The following STAB2 variants were observed in gnomAD, a reference collection of about 807,000 sequenced individuals.
STAB2 encodes stabilin 2.
STAB2 carries 288 observed loss-of-function variants against 338.1 expected under a neutral mutation model. That is an observed-to-expected ratio of 0.85 (90% CI 0.77 to 0.94). The LOEUF is 0.94. STAB2 is among the 40% of genes least tolerant of loss of function. The pLI is 0.00. For missense variants in STAB2, 3,141 were observed against 3,210.1 expected (o/e 0.98, Z 0.52); for synonymous variants, 1,202 against 1,193.3 (o/e 1.01, Z -0.15).
At chr12:103,702,493 G>A (rs1224015344) in intron 34 of STAB2, among the ~76,000 whole-genome samples, 9 of 151,896 alleles carry the variant, frequency 5.9e-5, no homozygotes, top group Admixed American at 5.9e-4. Context: ...TAGAGACGGG[G>A]TTTCACCTTG....
Position 103,725,048 on chromosome 12 carries a change from C to CAAACTACATT in STAB2, c.4758_4767dup (p.Gly1590LysfsTer55). 6.2e-7 allele frequency: 1 copy of CAAACTACATT among 1,613,884 alleles called. No individual in the cohort carries two copies. Among genetic ancestry groups the CAAACTACATT allele is most frequent in the Non-Finnish European group, 8.5e-7 (1 of 1,179,784 alleles). Reference sequence around the variant, plus strand: ...GTAGAAAGGACTTGTACTTGCAAGCCAAACTACATTGGAGATGGATTTACC... The same window carrying CAAACTACATT: ...GTAGAAAGGACTTGTACTTGCAAGCCAAACTACATTAAACTACATTGGAGATGGATTTACC... On this transcript the variant is annotated frameshift_variant, in exon 45 of 69. Transcript: ENST00000388887. LOFTEE classifies it high-confidence loss of function.
chr12:103,674,190 C>A, intron 23 of STAB2, 103 bp downstream of exon 23: 1 of 1,275,882 alleles, frequency 7.8e-7, no homozygotes, highest in Admixed American at 2.2e-5. Context: ...CAACCCATAT[C>A]TGAACTCTGA....
chr12:103,741,753 C>T (rs1489468682), intron 55 of STAB2, among the ~76,000 whole-genome samples: 2 of 152,224 alleles, frequency 1.3e-5, no homozygotes, highest in African/African-American at 4.8e-5. Context: ...CCGTGCCTGG[C>T]CTGTTGACCC....
At chr12:103,685,163 C>T (rs1283841268) in intron 27 of STAB2, 79 bp downstream of exon 27, 4 of 1,291,432 alleles carry the variant, frequency 3.1e-6, no homozygotes, top group Non-Finnish European at 4.4e-6. Context: ...TTAAAGTGAT[C>T]TATTGACATA....
intron 41 of STAB2, among the ~76,000 whole-genome samples, chr12:103,713,346 C>A (rs1250511794): frequency 1.3e-5 from 2 of 152,176 alleles, no homozygotes; most frequent in East Asian, 3.9e-4. Flanking sequence ...AATGATCATG[C>A]CAATCTGCTT....
intron 10 of STAB2, among the ~76,000 whole-genome samples, chr12:103,650,211 AG>A (rs1337236502): frequency 6.6e-6 from 1 of 151,478 alleles, no homozygotes; most frequent in African/African-American, 2.4e-5. Flanking sequence ...GGGTTGTGGT[AG>A]GATTTTGTCA....
chr12:103,716,814 G>GA (rs1176398254), intron 43 of STAB2, among the ~76,000 whole-genome samples: 2 of 152,164 alleles, frequency 1.3e-5, no homozygotes, highest in Non-Finnish European at 2.9e-5. Context: ...TGGTGCTTGG[G>GA]ACCTCCAAGG....
intron 3 of STAB2, among the ~76,000 whole-genome samples, chr12:103,618,111 CAAG>C (rs1428206201): frequency 6.6e-6 from 1 of 152,178 alleles, no homozygotes; most frequent in Admixed American, 6.5e-5. Flanking sequence ...TCTCTTTCTT[CAAG>C]AACTGCTGCT....
intron 3 of STAB2, among the ~76,000 whole-genome samples, chr12:103,615,417 G>A (rs1455788404): frequency 6.6e-6 from 1 of 152,156 alleles, no homozygotes; most frequent in Admixed American, 6.5e-5. Flanking sequence ...AAAGCTGATG[G>A]GGAGTCCTCT....
At chr12:103,607,435 G>A (rs761394028) in intron 3 of STAB2, among the ~76,000 whole-genome samples, 10 of 148,940 alleles carry the variant, frequency 6.7e-5, no homozygotes, top group African/African-American at 2.2e-4. Flanking sequence ...TGTGCGCAAC[G>A]TGCAGGTTTG....
chr12:103,660,446 G>C (rs1874512303), intron 16 of STAB2, 62 bp downstream of exon 16: 2 of 1,576,318 alleles, frequency 1.3e-6, no homozygotes, highest in African/African-American at 2.7e-5. Flanking sequence ...ACTTAGTCTT[G>C]AATTCCAATA....
chr12:103,593,284 C>G (rs1038350267), intron 2 of STAB2, among the ~76,000 whole-genome samples: 1 of 152,198 alleles, frequency 6.6e-6, no homozygotes, highest in Non-Finnish European at 1.5e-5. Context: ...TTCTCACCAA[C>G]AGTGTACAGT....
chr12:103,681,110 A>G (rs989827056), intron 25 of STAB2, among the ~76,000 whole-genome samples: 9 of 152,104 alleles, frequency 5.9e-5, no homozygotes, highest in African/African-American at 2.2e-4. Context: ...CTGCTTTCCT[A>G]TTTATCTTTT....
intron 51 of STAB2, among the ~76,000 whole-genome samples, chr12:103,734,589 C>CCAGG (rs1368644401): frequency 6.6e-6 from 1 of 152,186 alleles, no homozygotes; most frequent in Non-Finnish European, 1.5e-5. Flanking sequence ...GAGTCCTCAT[C>CCAGG]CAGGACTCAT....
intron 3 of STAB2, among the ~76,000 whole-genome samples, chr12:103,596,197 A>G (rs1956873702): frequency 6.6e-6 from 1 of 152,226 alleles, no homozygotes; most frequent in African/African-American, 2.4e-5. Flanking sequence ...TCTAGTTCTC[A>G]TAGACATTTT....
chr12:103,694,987 A>T (rs1878274456), intron 31 of STAB2, among the ~76,000 whole-genome samples: 1 of 151,836 alleles, frequency 6.6e-6, no homozygotes. Flanking sequence ...GCAGAAATTC[A>T]GACTGATTTT....
chr12:103,741,185 A>G lies in STAB2; in HGVS notation c.5881+429A>G, dbSNP rs144559182. On this transcript the variant is annotated intron_variant, in intron 55 of 68. Coordinates refer to ENST00000388887, the MANE Select transcript of STAB2 (RefSeq NM_017564.10). Reference sequence around the variant, plus strand: ...AGCGCACCCCTGTCCCTGGTAGAGGATGTATAGCATTGGCTCCCTCTGTTA... The same window carrying G: ...AGCGCACCCCTGTCCCTGGTAGAGGGTGTATAGCATTGGCTCCCTCTGTTA... Among the ~76,000 whole-genome samples, 31 of 152,224 alleles carry G rather than the reference A, an allele frequency of 2.0e-4. No homozygotes were observed. In the East Asian group the frequency reaches 5.4e-3, roughly 27 times the overall value.
At chr12:103,763,251 A>C in intron 67 of STAB2, 1 of 496,098 alleles carries the variant, frequency 2.0e-6, no homozygotes, top group Non-Finnish European at 3.6e-6. Context: ...ATCCTGGGGT[A>C]TGGAAATGCC....
At position 103,740,309 on chromosome 12, in the gene STAB2, T is replaced by C. The variant is rs77169714; in HGVS notation, c.5755-321T>C. ...GGAGCCTTGCCCCACACCCCTTCCA[T>C]GACAGCAAGCTACCTCCTTCCCACT... is the stretch of plus-strand genomic sequence containing the variant. On this transcript the variant is annotated intron_variant, in intron 54 of 68. Transcript: ENST00000388887. Among the ~76,000 whole-genome samples, 440 of 152,256 alleles carry C rather than the reference T, an allele frequency of 2.9e-3. 1 individual carries two copies. The highest frequency in any genetic ancestry group is 0.014 in the Middle Eastern group (4 of 294).
Sources: allele counts gnomAD v4.1 joint callset (sites outside exome capture counted in the v4.1 genomes callset), GRCh38; gene constraint gnomAD v4.1.1; transcripts MANE v1.5; gene names NCBI Gene and HGNC (gene_info 2026-07-23, HGNC 2026-07-21).